Variants in MAN2A1 observed in about 807,000 individuals in gnomAD.
MAN2A1 encodes the protein alpha-mannosidase 2.
MAN2A1 carries 76 observed loss-of-function variants against 142.6 expected under a neutral mutation model. The ratio of observed to expected loss-of-function variants is 0.53; its 90% CI spans 0.44 to 0.65. The LOEUF (loss-of-function observed/expected upper bound fraction) is 0.65. MAN2A1 is among the 30% of genes least tolerant of loss of function. The probability of loss-of-function intolerance (pLI) is 0.00; values close to 1 mark genes in which losing one functional copy is unlikely to be tolerated. For synonymous variants in MAN2A1, 559 were observed against 473.2 expected, an observed-to-expected ratio of 1.18 and a Z score of -2.35; for missense variants, 1,311 against 1,365.1, an observed-to-expected ratio of 0.96 and a Z score of 0.62.
intron 16 of MAN2A1, among the ~76,000 whole-genome samples, chr5:109,841,045 G>A (rs1026603783): frequency 1.3e-5 from 2 of 152,060 alleles, no homozygotes. Context: ...ACCTCAGAAA[G>A]CGTCAGCTTT....
At chr5:109,759,439 G>A (rs140279423) in intron 5 of MAN2A1, among the ~76,000 whole-genome samples, 1 of 152,052 alleles carries the variant, frequency 6.6e-6, no homozygotes, top group African/African-American at 2.4e-5. Flanking sequence ...GAAGTTTTTG[G>A]GATTCATTCT....
In MAN2A1 at chr5:109,690,499, C is replaced by CG; in HGVS notation, c.86dup (p.His30SerfsTer35). 2 of 1,613,712 alleles carry CG rather than the reference C, an allele frequency of 1.2e-6. No homozygotes were observed. Among genetic ancestry groups the CG allele is most frequent in the Non-Finnish European group, 1.7e-6 (2 of 1,179,768 alleles). ...TTTCTCGCTCTACCTGATGCTGGAC[C>CG]GGGGTCACTTAGACTACCCCAGGAA... On this transcript the variant is annotated frameshift_variant, in exon 1 of 22. Transcript: ENST00000261483. LOFTEE classifies it high-confidence loss of function.
chr5:109,709,993 C>T (rs1751250414), intron 1 of MAN2A1, among the ~76,000 whole-genome samples: 1 of 152,206 alleles, frequency 6.6e-6, no homozygotes, highest in South Asian at 2.1e-4. Flanking sequence ...CCACTCTTCT[C>T]TGTCACATGT....
chr5:109,763,618 A>G (rs114423023), intron 5 of MAN2A1, among the ~76,000 whole-genome samples: 7,714 of 152,072 alleles, frequency 0.051, 215 homozygotes, highest in South Asian at 0.097. Context: ...TGCTGCACCC[A>G]TGTAGGGACA....
rs1755949563 is a variant in MAN2A1 at position 109,868,949 on chromosome 5, T to A, written c.*1951T>A. On this transcript the variant is annotated 3_prime_UTR_variant, in exon 22 of 22. Transcript: ENST00000261483. ...GTGATCAGATGAAATAAAAAAAAAA[T>A]CTTGATGCAATAACAGTGGTTTTGC... 1 of 152,054 alleles carries A rather than the reference T, an allele frequency of 6.6e-6. No individual in the cohort carries two copies. The highest frequency in any genetic ancestry group is 2.4e-5 in the African/African-American group (1 of 41,380). The allele number at this position is 152,054 out of a possible 1,614,324, so 9.4% of individuals were successfully genotyped here. A position where few individuals can be genotyped will look rare whatever the true frequency, so the allele number is the denominator to read the frequency against.
intron 21 of MAN2A1, among the ~76,000 whole-genome samples, chr5:109,865,853 C>G (rs1416949169): frequency 6.6e-6 from 1 of 152,182 alleles, no homozygotes; most frequent in African/African-American, 2.4e-5. Flanking sequence ...AATCTCCTGC[C>G]TCTGTCACTG....
At chr5:109,764,378 C>T (rs1010019764) in intron 5 of MAN2A1, among the ~76,000 whole-genome samples, 1 of 152,096 alleles carries the variant, frequency 6.6e-6, no homozygotes, top group African/African-American at 2.4e-5. Flanking sequence ...CTTGTTCTTG[C>T]ATGAAGGCAT....
intron 21 of MAN2A1, 34 bp from the exon 22 acceptor site, chr5:109,866,812 T>C (rs372611191): frequency 1.4e-6 from 2 of 1,434,788 alleles, no homozygotes; most frequent in Non-Finnish European, 2.0e-6. Flanking sequence ...TCAAAGTTGA[T>C]CTAAATATGT....
chr5:109,826,731 G>T (rs1337336115), intron 16 of MAN2A1, among the ~76,000 whole-genome samples: 1 of 152,324 alleles, frequency 6.6e-6, no homozygotes, highest in East Asian at 1.9e-4. Flanking sequence ...AGTCTTCAGG[G>T]TATTTGGCTC....
intron 3 of MAN2A1, among the ~76,000 whole-genome samples, chr5:109,724,608 T>C (rs903363254): frequency 6.6e-6 from 1 of 152,170 alleles, no homozygotes; most frequent in African/African-American, 2.4e-5. Context: ...TCAAAAACTT[T>C]TCATGTTTTC....
chr5:109,813,294 G>A (rs1189760363), intron 12 of MAN2A1, among the ~76,000 whole-genome samples: 1 of 152,170 alleles, frequency 6.6e-6, no homozygotes, highest in East Asian at 1.9e-4. Flanking sequence ...ATTTGAATTT[G>A]GATGCAACTA....
chr5:109,828,815 T>C (rs1754829167), intron 16 of MAN2A1, among the ~76,000 whole-genome samples: 1 of 152,212 alleles, frequency 6.6e-6, no homozygotes, highest in East Asian at 1.9e-4. Context: ...TGTAATGAAC[T>C]GACATCAAAA....
At chr5:109,862,655 C>G (rs1409287639) in intron 20 of MAN2A1, 1 of 152,154 alleles carries the variant, frequency 6.6e-6, no homozygotes, top group East Asian at 1.9e-4. Flanking sequence ...TTCCTGCATG[C>G]ATATTCAAGT....
chr5:109,802,053 T>C (rs1200730684), intron 12 of MAN2A1, among the ~76,000 whole-genome samples: 1 of 152,210 alleles, frequency 6.6e-6, no homozygotes, highest in African/African-American at 2.4e-5. Context: ...TTACTTTGTA[T>C]TTCTGTCTTG....
chr5:109,723,213 A>G (rs1751653753), intron 3 of MAN2A1, among the ~76,000 whole-genome samples: 1 of 152,208 alleles, frequency 6.6e-6, no homozygotes, highest in East Asian at 1.9e-4. Flanking sequence ...GCATCTTCAT[A>G]TGGATTCAAA....
intron 1 of MAN2A1, among the ~76,000 whole-genome samples, chr5:109,693,950 A>G (rs867878792): frequency 3.3e-5 from 5 of 152,368 alleles, no homozygotes; most frequent in Non-Finnish European, 5.9e-5. Context: ...AACTTGGAAG[A>G]ATTTGAGCAG....
In MAN2A1 at chr5:109,690,319, C is replaced by A; in HGVS notation, c.-99C>A. 1 of 1,343,176 alleles carries A rather than the reference C, an allele frequency of 7.4e-7. No individual in the cohort carries two copies. Among genetic ancestry groups the A allele is most frequent in the African/African-American group, 1.4e-5 (1 of 69,528 alleles). 83.2% of individuals were successfully genotyped at this position (1,343,176 alleles called of 1,614,324 possible). A position where few individuals can be genotyped will look rare whatever the true frequency, so the allele number is the denominator to read the frequency against. ...TCCGAGAGCGCGGAGGTCGCGCAGC[C>A]CGGGAGAAGGGAGCCTCCGGCGGCT... On this transcript the variant is annotated 5_prime_UTR_variant, in exon 1 of 22. Coordinates refer to ENST00000261483, the MANE Select transcript of MAN2A1 (RefSeq NM_002372.4).
At chr5:109,770,032 A>G (rs1005031284) in intron 6 of MAN2A1, among the ~76,000 whole-genome samples, 5 of 152,112 alleles carry the variant, frequency 3.3e-5, no homozygotes, top group Non-Finnish European at 7.4e-5. Flanking sequence ...GGATGGACAT[A>G]GTTTTGGATG....
chr5:109,746,025 A>G (rs1313540873), intron 4 of MAN2A1, among the ~76,000 whole-genome samples: 1 of 152,140 alleles, frequency 6.6e-6, no homozygotes, highest in Non-Finnish European at 1.5e-5. Context: ...GCCTAGGCTG[A>G]GTGCAGTATT....
Sources: allele counts gnomAD v4.1 joint callset (sites outside exome capture counted in the v4.1 genomes callset), GRCh38; gene constraint gnomAD v4.1.1; transcripts MANE v1.5; gene names NCBI Gene and HGNC (gene_info 2026-07-23, HGNC 2026-07-21).